Variants in JAZF1 observed in about 807,000 individuals in gnomAD.
The protein encoded by JAZF1 is JAZF zinc finger 1, also known as juxtaposed with another zinc finger protein 1.
In JAZF1, 8 loss-of-function variants were observed where a neutral mutation model predicts 26.4. The observed-to-expected ratio is 0.30, with a 90% CI of 0.18 to 0.55. JAZF1 has a LOEUF of 0.55. Ranked by LOEUF, JAZF1 falls within the 20% of genes least tolerant of loss-of-function variation. The probability of loss-of-function intolerance (pLI) is 0.94; values close to 1 mark genes in which losing one functional copy is unlikely to be tolerated. For synonymous variants in JAZF1, 126 were observed against 122.3 expected, an observed-to-expected ratio of 1.03 and a Z score of -0.20; for missense variants, 199 against 322.0, an observed-to-expected ratio of 0.62 and a Z score of 2.92.
intron 2 of JAZF1, among the ~76,000 whole-genome samples, chr7:27,972,952 TAC>T (rs35079442): frequency 2.5e-4 from 38 of 149,980 alleles, no homozygotes; most frequent in African/African-American, 5.1e-4. Context: ...TGTGTATATA[TAC>T]ACACACACAC....
chr7:28,134,741 A>G (rs949721306), intron 1 of JAZF1, among the ~76,000 whole-genome samples: 1 of 152,208 alleles, frequency 6.6e-6, no homozygotes, highest in Non-Finnish European at 1.5e-5. Context: ...CCCAAATGAT[A>G]TAAGAAGAGA....
intron 1 of JAZF1, among the ~76,000 whole-genome samples, chr7:28,161,444 C>A (rs1783287244): frequency 6.6e-6 from 1 of 152,218 alleles, no homozygotes; most frequent in East Asian, 1.9e-4. Flanking sequence ...TAGTCAAGGT[C>A]ACAGAGAACT....
intron 1 of JAZF1, among the ~76,000 whole-genome samples, chr7:28,130,610 C>T (rs1341502825): frequency 6.6e-6 from 1 of 152,182 alleles, no homozygotes; most frequent in Non-Finnish European, 1.5e-5. Context: ...GTTTCAGTTT[C>T]CTCATCTGGA....
intron 1 of JAZF1, 142 bp from the exon 2 acceptor site, chr7:27,992,123 C>T: frequency 5.7e-6 from 4 of 705,372 alleles, no homozygotes; most frequent in Non-Finnish European, 8.0e-6. Context: ...GTCGGCGAAG[C>T]ACAATCATTT....
At chr7:27,903,010 C>A (rs536694215) in intron 2 of JAZF1, among the ~76,000 whole-genome samples, 2 of 104,772 alleles carry the variant, frequency 1.9e-5, no homozygotes, top group South Asian at 8.9e-4. Flanking sequence ...AGCGAGACTC[C>A]GTCTTAAAAA....
At chr7:27,955,265 C>T (rs1025375036) in intron 2 of JAZF1, among the ~76,000 whole-genome samples, 3 of 152,168 alleles carry the variant, frequency 2.0e-5, no homozygotes, top group African/African-American at 7.2e-5. Context: ...AAAAGGATGC[C>T]AACATGCATT....
intron 1 of JAZF1, among the ~76,000 whole-genome samples, chr7:27,994,996 T>C (rs989412442): frequency 1.3e-5 from 2 of 152,146 alleles, no homozygotes; most frequent in African/African-American, 4.8e-5. Context: ...CACAATGACA[T>C]ACTCCTCATG....
chr7:28,095,220 T>C (rs1784364082), intron 1 of JAZF1, among the ~76,000 whole-genome samples: 1 of 152,136 alleles, frequency 6.6e-6, no homozygotes, highest in Admixed American at 6.5e-5. Context: ...TTGGGCCTCC[T>C]AGGCAAGCCC....
intron 1 of JAZF1, among the ~76,000 whole-genome samples, chr7:28,082,341 T>C (rs1292186774): frequency 1.3e-5 from 2 of 152,148 alleles, no homozygotes; most frequent in African/African-American, 2.4e-5. Context: ...TGTTCCTCAT[T>C]GAACTCTCCT....
chr7:27,851,237 C>G (rs1429422518), intron 3 of JAZF1, among the ~76,000 whole-genome samples: 4 of 152,192 alleles, frequency 2.6e-5, no homozygotes, highest in South Asian at 2.1e-4. Flanking sequence ...GCCACCAAGC[C>G]CAGCCTAAAA....
At chr7:27,894,405 C>G (rs1583451712) in intron 3 of JAZF1, among the ~76,000 whole-genome samples, 2 of 152,150 alleles carry the variant, frequency 1.3e-5, no homozygotes, top group African/African-American at 4.8e-5. Context: ...AACAACTGAA[C>G]TTTGTCTTCA....
intron 1 of JAZF1, among the ~76,000 whole-genome samples, chr7:28,150,715 G>T (rs1460839275): frequency 6.6e-6 from 1 of 152,178 alleles, no homozygotes; most frequent in Non-Finnish European, 1.5e-5. Flanking sequence ...CACTCAGGTG[G>T]GGTCTGAAGG....
chr7:27,984,373 G>C lies in JAZF1; in HGVS notation c.188+7536C>G, dbSNP rs138349323. Among the ~76,000 whole-genome samples the C allele has an allele frequency of 9.9e-3, 1,500 of 152,272 alleles. 21 individuals carry two copies. The highest frequency in any genetic ancestry group is 0.034 in the African/African-American group (1,404 of 41,536). ...AGACAAAGAAGGCCATTACATAATG[G>C]TAAAGGGATCAATTCAACAAGAAGA... is the stretch of plus-strand genomic sequence containing the variant. On this transcript the variant is annotated intron_variant, in intron 2 of 4. Coordinates refer to ENST00000283928, the MANE Select transcript of JAZF1 (RefSeq NM_175061.4).
chr7:28,091,631 T>C (rs1784298387), intron 1 of JAZF1, among the ~76,000 whole-genome samples: 2 of 149,146 alleles, frequency 1.3e-5, no homozygotes, highest in African/African-American at 4.9e-5. Flanking sequence ...AACATATATA[T>C]ATATACACAC....
At chr7:27,883,201 C>T (rs551936441) in intron 3 of JAZF1, among the ~76,000 whole-genome samples, 2 of 152,252 alleles carry the variant, frequency 1.3e-5, no homozygotes, top group South Asian at 2.1e-4. Context: ...ACAACTTTAC[C>T]TTGTGATCTT....
At chr7:28,000,793 G>A (rs954464714) in intron 1 of JAZF1, among the ~76,000 whole-genome samples, 1 of 151,462 alleles carries the variant, frequency 6.6e-6, no homozygotes, top group Non-Finnish European at 1.5e-5. Flanking sequence ...TAATTTTTGT[G>A]TTTTTAGTAG....
At chr7:28,058,257 G>A (rs1225017153) in intron 1 of JAZF1, among the ~76,000 whole-genome samples, 1 of 152,176 alleles carries the variant, frequency 6.6e-6, no homozygotes, top group Non-Finnish European at 1.5e-5. Context: ...CTACAAAGTG[G>A]GGGATGCACA....
chr7:27,985,340 CT>C (rs1214337880), intron 2 of JAZF1, among the ~76,000 whole-genome samples: 6 of 152,176 alleles, frequency 3.9e-5, no homozygotes, highest in Admixed American at 6.5e-5. Context: ...TGCAAATAAA[CT>C]AGAACACCTA....
intron 2 of JAZF1, chr7:27,913,491 C>A (rs766635622): frequency 4.4e-5 from 16 of 362,796 alleles, no homozygotes; most frequent in Middle Eastern, 3.8e-4. Flanking sequence ...AGAGACCCCA[C>A]GTGAACAGAG....
Sources: gnomAD v4.1 joint callset for allele counts (sites outside exome capture counted in the v4.1 genomes callset) on GRCh38, gnomAD v4.1.1 for gene constraint, MANE v1.5 for transcripts, NCBI Gene and HGNC (gene_info 2026-07-23, HGNC 2026-07-21) for gene names.